Variants in MGST2 observed in about 807,000 individuals in gnomAD.
MGST2 encodes the protein microsomal glutathione S-transferase 2, also known as glutathione peroxidase MGST2.
MGST2 carries 9 observed loss-of-function variants against 16.6 expected under a neutral mutation model. The observed-to-expected ratio is 0.54, with a 90% CI of 0.33 to 0.95. The LOEUF is 0.95. MGST2 is among the 40% of genes least tolerant of loss of function. MGST2 has a pLI of 0.03. For missense variants in MGST2, 159 were observed against 175.1 expected (o/e 0.91, Z 0.52); for synonymous variants, 79 against 68.0 (o/e 1.16, Z -0.79).
At position 139,711,958 on chromosome 4, in the gene MGST2, A is replaced by G. The variant is rs1191110394; in HGVS notation, c.*48+7762A>G. Among the ~76,000 whole-genome samples the G allele has an allele frequency of 2.0e-5, 3 of 152,246 alleles. No individual in the cohort carries two copies. The East Asian group carries it at 5.8e-4, about 29-fold the overall frequency. On this transcript the variant is annotated intron_variant, in intron 5 of 5. Transcript: ENST00000616265. ...GTATAGAGGAGCTCAGTCAGAAAGC[A>G]TCAGTATGGTGAGGGCCATTCATGA...
chr4:139,722,589 A>AC (rs1728280014), intron 5 of MGST2, among the ~76,000 whole-genome samples: 1 of 152,196 alleles, frequency 6.6e-6, no homozygotes, highest in Non-Finnish European at 1.5e-5. Context: ...ATAGTATCCA[A>AC]CTTTTTCCTA....
At chr4:139,669,030 G>A (rs1730523527) in intron 1 of MGST2, among the ~76,000 whole-genome samples, 1 of 152,084 alleles carries the variant, frequency 6.6e-6, no homozygotes, top group Non-Finnish European at 1.5e-5. Context: ...CTTACAAAAT[G>A]GTGTAGTTTG....
chr4:139,688,515 AT>A (rs147142819), intron 2 of MGST2, among the ~76,000 whole-genome samples: 6,606 of 145,344 alleles, frequency 0.045, 222 homozygotes, highest in East Asian at 0.096. Context: ...GTGATTCTGT[AT>A]TTTTTTTTTT....
At chr4:139,722,437 A>G (rs571317205) in intron 5 of MGST2, among the ~76,000 whole-genome samples, 17 of 152,230 alleles carry the variant, frequency 1.1e-4, no homozygotes, top group African/African-American at 3.9e-4. Flanking sequence ...TGATTACTAC[A>G]TGTGTTAAAC....
chr4:139,676,424 G>T (rs1730961084), intron 1 of MGST2, among the ~76,000 whole-genome samples: 1 of 152,124 alleles, frequency 6.6e-6, no homozygotes, highest in Non-Finnish European at 1.5e-5. Context: ...ACAGTTGTGG[G>T]GGCTGGCAAG....
chr4:139,695,925 A>T (rs2646075), intron 3 of MGST2, among the ~76,000 whole-genome samples: 58,839 of 151,712 alleles, frequency 0.39, 15,521 homozygotes, highest in African/African-American at 0.74. Context: ...GTAACTTGAT[A>T]ACCCAAAACT....
In MGST2 at chr4:139,730,237, G is replaced by GA. The variant is rs1475553213; in HGVS notation, c.*49-9970dup. On this transcript the variant is annotated intron_variant, in intron 5 of 5. Coordinates refer to the MGST2 transcript ENST00000616265. ...TTAAGAACAAATTAATTCATTATAG[G>GA]AAAAACCCTAACTAATTGAAAGGTC... is the stretch of plus-strand genomic sequence containing the variant. The GA allele has an allele frequency of 4.8e-6, 3 of 628,924 alleles. No homozygotes were observed. In the African/African-American group the frequency reaches 5.5e-5, roughly 12 times the overall value. The allele number at this position is 628,924 out of a possible 1,614,324, so 39.0% of individuals were successfully genotyped here.
downstream of MGST2, among the ~76,000 whole-genome samples, chr4:139,741,945 G>A (rs899140076): frequency 6.6e-6 from 1 of 152,022 alleles, no homozygotes; most frequent in Non-Finnish European, 1.5e-5. Context: ...CCAAAAAATA[G>A]AAATGGCTCA....
At chr4:139,696,351 C>T (rs911069943) in intron 3 of MGST2, among the ~76,000 whole-genome samples, 1 of 152,104 alleles carries the variant, frequency 6.6e-6, no homozygotes, top group Non-Finnish European at 1.5e-5. Context: ...TCCACTGTTA[C>T]GTTTAGTTTC....
At position 139,680,049 on chromosome 4, in the gene MGST2, C is replaced by T. The variant is rs931507140; in HGVS notation, c.158+1407C>T. ...TTTTGATTACTACTTTGGGTATTTACTTCTGTATTTCTAAACATTATACTT... is the reference window on the plus strand; with the variant it reads ...TTTTGATTACTACTTTGGGTATTTATTTCTGTATTTCTAAACATTATACTT... On this transcript the variant is annotated intron_variant, in intron 2 of 4. Transcript: ENST00000265498. Among the ~76,000 whole-genome samples, 3 of 152,148 alleles carry T rather than the reference C, an allele frequency of 2.0e-5. No individual in the cohort carries two copies. In the East Asian group the frequency reaches 5.8e-4, roughly 29 times the overall value.
chr4:139,733,524 G>T (rs1174772858), intron 5 of MGST2, among the ~76,000 whole-genome samples: 2 of 149,236 alleles, frequency 1.3e-5, no homozygotes, highest in Non-Finnish European at 3.0e-5. Context: ...GTGTCTTCCT[G>T]GGCCAAGAAG....
the MGST2 span, among the ~76,000 whole-genome samples, chr4:139,749,491 C>T: frequency 6.6e-6 from 1 of 152,156 alleles, no homozygotes; most frequent in Non-Finnish European, 1.5e-5. Flanking sequence ...TCACCACAGA[C>T]ACAGTACTCA....
At chr4:139,688,500 C>A (rs1004091355) in intron 2 of MGST2, among the ~76,000 whole-genome samples, 3 of 151,672 alleles carry the variant, frequency 2.0e-5, no homozygotes, top group Admixed American at 2.0e-4. Flanking sequence ...TCTTCTCATT[C>A]TACTGTGATT....
chr4:139,672,748 A>G (rs1208001786), intron 1 of MGST2, among the ~76,000 whole-genome samples: 1 of 152,046 alleles, frequency 6.6e-6, no homozygotes, highest in East Asian at 1.9e-4. Flanking sequence ...ACGGGGTTTC[A>G]CCATGTTGGC....
At chr4:139,693,121 A>G (rs977431301) in intron 2 of MGST2, among the ~76,000 whole-genome samples, 2 of 152,226 alleles carry the variant, frequency 1.3e-5, no homozygotes, top group African/African-American at 4.8e-5. Flanking sequence ...AGTTCATATA[A>G]AATTTCAGTG....
At chr4:139,698,985 G>A (rs1437205743) in intron 3 of MGST2, among the ~76,000 whole-genome samples, 1 of 152,084 alleles carries the variant, frequency 6.6e-6, no homozygotes, top group Non-Finnish European at 1.5e-5. Context: ...AGCACTTTCA[G>A]CACCACTAGT....
chr4:139,734,463 A>G lies in MGST2; in HGVS notation c.*49-5749A>G, dbSNP rs570081486. Among the ~76,000 whole-genome samples the G allele has an allele frequency of 9.8e-5, 15 of 152,302 alleles. No homozygotes were observed. The East Asian group carries it at 2.9e-3, about 29-fold the overall frequency. ...TACAGTTTCTTCCCCTCAAAAATCCAACTGTGGCTACATAGATCTTCACTA... is the reference window on the plus strand; with the variant it reads ...TACAGTTTCTTCCCCTCAAAAATCCGACTGTGGCTACATAGATCTTCACTA... On this transcript the variant is annotated intron_variant, in intron 5 of 5. Transcript: ENST00000616265.
At chr4:139,724,264 CA>C (rs1313388812) in intron 5 of MGST2, among the ~76,000 whole-genome samples, 7 of 152,164 alleles carry the variant, frequency 4.6e-5, no homozygotes, top group Non-Finnish European at 1.0e-4. Flanking sequence ...CAGTAAATAT[CA>C]ATGGCTTTCA....
chr4:139,723,574 C>T (rs1286830566), intron 5 of MGST2, among the ~76,000 whole-genome samples: 6 of 152,056 alleles, frequency 3.9e-5, no homozygotes, highest in Non-Finnish European at 7.4e-5. Flanking sequence ...GGCCTCCCAA[C>T]GTGCTGGGAT....
Sources: gnomAD v4.1 joint callset for allele counts (sites outside exome capture counted in the v4.1 genomes callset) on GRCh38, gnomAD v4.1.1 for gene constraint, MANE v1.5 for transcripts, NCBI Gene and HGNC (gene_info 2026-07-23, HGNC 2026-07-21) for gene names.